The following ARID4A variants were observed in gnomAD, a reference collection of about 807,000 sequenced individuals.
The protein encoded by ARID4A is AT-rich interactive domain-containing protein 4A.
ARID4A carries 39 observed loss-of-function variants against 148.6 expected under a neutral mutation model. That is an observed-to-expected ratio of 0.26 (90% CI 0.20 to 0.34). The LOEUF is 0.34. Among genes scored for constraint, ARID4A ranks in the 10% least tolerant of loss-of-function variants. The pLI, the probability that ARID4A is intolerant of heterozygous loss-of-function variation, is 1.00. For missense variants in ARID4A, 1,265 were observed against 1,449.1 expected (o/e 0.87, Z 2.06); for synonymous variants, 475 against 481.2 (o/e 0.99, Z 0.17).
At chr14:58,309,604 C>T (rs2031867917) in intron 5 of ARID4A, among the ~76,000 whole-genome samples, 1 of 152,228 alleles carries the variant, frequency 6.6e-6, no homozygotes, top group Admixed American at 6.5e-5. Context: ...GTCAGTAAGA[C>T]ATTTTGAAGG....
intron 5 of ARID4A, among the ~76,000 whole-genome samples, chr14:58,317,243 G>A (rs1415247487): frequency 6.7e-6 from 1 of 148,590 alleles, no homozygotes; most frequent in Non-Finnish European, 1.5e-5. Flanking sequence ...AAGCATCTAT[G>A]TAATTATGAT....
At chr14:58,299,665 C>T (rs2030955058) in intron 1 of ARID4A, 133 bp from the exon 2 acceptor site, 2 of 717,102 alleles carry the variant, frequency 2.8e-6, no homozygotes, top group South Asian at 1.7e-5. Flanking sequence ...CCTGGCTGCC[C>T]TCGTAAGGGG....
At chr14:58,342,094 C>T (rs981136372) in intron 11 of ARID4A, among the ~76,000 whole-genome samples, 3 of 152,142 alleles carry the variant, frequency 2.0e-5, no homozygotes, top group African/African-American at 7.2e-5. Flanking sequence ...TAATTGGAGG[C>T]GTTCTCTAGC....
chr14:58,337,246 T>TTATTTATATATATATATATATATA (rs1555361741), intron 11 of ARID4A, among the ~76,000 whole-genome samples: 4 of 83,814 alleles, frequency 4.8e-5, no homozygotes, highest in Admixed American at 1.4e-4. Flanking sequence ...TTCTCTTTAT[T>TTATTTATATATATATATATATATA]TATATATATA....
chr14:58,323,032 A>G (rs113770658), intron 7 of ARID4A, among the ~76,000 whole-genome samples: 1 of 148,142 alleles, frequency 6.8e-6, no homozygotes, highest in Non-Finnish European at 1.5e-5. Flanking sequence ...ACTTAAGGGT[A>G]AACTTTAGTT....
chr14:58,310,793 A>G (rs775428763), intron 5 of ARID4A, among the ~76,000 whole-genome samples: 1 of 151,996 alleles, frequency 6.6e-6, no homozygotes, highest in Non-Finnish European at 1.5e-5. Context: ...CATCAAACTA[A>G]ATAGCTTCCA....
chr14:58,308,487 C>G (rs1194743551), intron 5 of ARID4A, among the ~76,000 whole-genome samples: 1 of 152,240 alleles, frequency 6.6e-6, no homozygotes, highest in Non-Finnish European at 1.5e-5. Context: ...GATTTTTGCA[C>G]TTACGTGCAT....
rs1282363991 is a variant in ARID4A, at chr14:58,366,932, A to G, written c.3573A>G (p.Glu1191=). 2.0e-6 allele frequency: 3 copies of G among 1,523,460 alleles called. No homozygotes were observed. Among genetic ancestry groups the G allele is most frequent in the Non-Finnish European group, 1.7e-6 (2 of 1,145,556 alleles). 94.4% of individuals were successfully genotyped at this position (1,523,460 alleles called of 1,614,324 possible). A position where few individuals can be genotyped will look rare whatever the true frequency, so the allele number is the denominator to read the frequency against. ...NSTERISFLQ[E]KLQEIRKYYM... is the part of the protein sequence containing the mutation. The stretch of plus-strand genomic sequence containing the variant: ...CAGAGAGAATCTCATTTCTCCAAGA[A>G]AAACTACAGGAAATCAGAAAATATT... Residue 1191 remains glutamate, a synonymous_variant, in exon 23 of 24, where the codon GAA becomes GAG. Transcript: ENST00000355431.
chr14:58,299,960 T>C, intron 2 of ARID4A, 100 bp downstream of exon 2: 1 of 1,527,200 alleles, frequency 6.5e-7, no homozygotes, highest in Non-Finnish European at 9.1e-7. Flanking sequence ...TCAAAATTGA[T>C]GTTCCTACTG....
chr14:58,324,065 T>C lies in ARID4A; in HGVS notation c.582+448T>C, dbSNP rs551047512. On this transcript the variant is annotated intron_variant, in intron 8 of 23. Transcript: ENST00000355431. ...GACAACAGGCGCCTGCCACCACGCCTGGCTAATTTTTTGTATTTTTAGTAG... is the reference window on the plus strand; with the variant it reads ...GACAACAGGCGCCTGCCACCACGCCCGGCTAATTTTTTGTATTTTTAGTAG... Among the ~76,000 whole-genome samples, 219 of 151,956 alleles carry C rather than the reference T, an allele frequency of 1.4e-3. 1 individual carries two copies. Among genetic ancestry groups the C allele is most frequent in the African/African-American group, 4.8e-3 (197 of 41,448 alleles).
intron 2 of ARID4A, among the ~76,000 whole-genome samples, chr14:58,301,140 C>T (rs2031130220): frequency 6.6e-6 from 1 of 152,006 alleles, no homozygotes; most frequent in African/African-American, 2.4e-5. Flanking sequence ...CTTTATGTGG[C>T]TATGTCAATA....
chr14:58,339,843 GGAGAGAGAGAGAGAGA>G (rs35021584), intron 11 of ARID4A, among the ~76,000 whole-genome samples: 1 of 142,304 alleles, frequency 7.0e-6, no homozygotes, highest in African/African-American at 2.6e-5. Flanking sequence ...CGTGGCAACA[GGAGAGAGAGAGAGAGA>G]GAGAGAGAGA....
chr14:58,365,917 G>A, intron 21 of ARID4A, 107 bp from the exon 22 acceptor site: 6 of 996,526 alleles, frequency 6.0e-6, no homozygotes, highest in Non-Finnish European at 8.8e-6. Context: ...GTGCATTTGT[G>A]CACTTATTTC....
At chr14:58,320,906 C>T (rs954250457) in intron 7 of ARID4A, among the ~76,000 whole-genome samples, 3 of 152,134 alleles carry the variant, frequency 2.0e-5, no homozygotes, top group East Asian at 1.9e-4. Context: ...CACGCCCAGC[C>T]GATGACATTG....
chr14:58,299,705 C>T (rs921317506), intron 1 of ARID4A, 93 bp from the exon 2 acceptor site: 47 of 1,083,744 alleles, frequency 4.3e-5, no homozygotes, highest in Non-Finnish European at 5.6e-5. Context: ...AGGATTCTGC[C>T]CCTCCCCGCT....
rs111934609 is a variant in ARID4A at position 58,322,385 on chromosome 14, C to G, written c.450-1100C>G. ...TAACTCCATAGACTTCTACTGAAAA[C>G]TCCTTCATACTTATTTTATAATTTT... On this transcript the variant is annotated intron_variant, in intron 7 of 23. Transcript: ENST00000355431. 8.1e-3 allele frequency among the ~76,000 whole-genome samples: 1,227 copies of G among 152,224 alleles called. 23 individuals carry two copies. The highest frequency in any genetic ancestry group is 0.027 in the African/African-American group (1,142 of 41,556).
At chr14:58,319,644 C>T (rs1405843892) in intron 7 of ARID4A, among the ~76,000 whole-genome samples, 1 of 135,900 alleles carries the variant, frequency 7.4e-6, no homozygotes, top group Non-Finnish European at 1.5e-5. Context: ...CTCCCAGGTT[C>T]GGTGATTCTC....
Position 58,337,388 on chromosome 14 carries a change from C to A in ARID4A, c.906+7219C>A, listed in dbSNP as rs139475443. Among the ~76,000 whole-genome samples, 759 of 150,870 alleles carry A rather than the reference C, an allele frequency of 5.0e-3. 3 individuals carry two copies. The highest frequency in any genetic ancestry group is 7.7e-3 in the Non-Finnish European group (522 of 67,638). Reference sequence around the variant, plus strand: ...GGGATCTCAGGATTTTTGTTTTTTCCTTTTCCTACCAGTATATATACCTAA... The same window carrying A: ...GGGATCTCAGGATTTTTGTTTTTTCATTTTCCTACCAGTATATATACCTAA... On this transcript the variant is annotated intron_variant, in intron 11 of 23. Coordinates refer to ENST00000355431, the MANE Select transcript of ARID4A (RefSeq NM_002892.4).
chr14:58,318,660 G>C (rs1247244793), intron 6 of ARID4A, 39 bp downstream of exon 6: 1 of 1,612,922 alleles, frequency 6.2e-7, no homozygotes, highest in South Asian at 1.1e-5. Context: ...TTGAACTACA[G>C]GTACTGATCT....
Sources: gnomAD v4.1 joint callset for allele counts (sites outside exome capture counted in the v4.1 genomes callset) on GRCh38, gnomAD v4.1.1 for gene constraint, MANE v1.5 for transcripts, NCBI Gene and HGNC (gene_info 2026-07-23, HGNC 2026-07-21) for gene names.